SH3PXD2A: variants seen among roughly 807,000 people sequenced by gnomAD.
SH3PXD2A encodes SH3 and PX domains 2A.
In SH3PXD2A, 32 loss-of-function variants were observed where a neutral mutation model predicts 115.2. The observed-to-expected ratio is 0.28, with a 90% CI of 0.21 to 0.37. The LOEUF (loss-of-function observed/expected upper bound fraction) is 0.37. Among genes scored for constraint, SH3PXD2A ranks in the 10% least tolerant of loss-of-function variants. SH3PXD2A has a pLI of 1.00. For missense variants in SH3PXD2A, 1,328 were observed against 1,498.7 expected (o/e 0.89, Z 1.88); for synonymous variants, 610 against 629.1 (o/e 0.97, Z 0.45).
chr10:103,687,662 T>A (rs1158738603), intron 6 of SH3PXD2A, among the ~76,000 whole-genome samples: 1 of 152,206 alleles, frequency 6.6e-6, no homozygotes, highest in Non-Finnish European at 1.5e-5. Flanking sequence ...CATCATTCTA[T>A]GATTGAAGCC....
chr10:103,798,078 C>T (rs1470918100), intron 2 of SH3PXD2A, among the ~76,000 whole-genome samples: 2 of 152,138 alleles, frequency 1.3e-5, no homozygotes, highest in African/African-American at 4.8e-5. Flanking sequence ...GGTGCCTGGC[C>T]TTCGGGAACA....
intron 2 of SH3PXD2A, among the ~76,000 whole-genome samples, chr10:103,773,711 G>A (rs2038853018): frequency 6.6e-6 from 1 of 152,152 alleles, no homozygotes; most frequent in African/African-American, 2.4e-5. Context: ...AAAGTACTGG[G>A]ATTACAGGTG....
intron 11 of SH3PXD2A, among the ~76,000 whole-genome samples, chr10:103,615,136 G>A (rs570467324): frequency 1.2e-4 from 18 of 152,344 alleles, no homozygotes; most frequent in African/African-American, 3.4e-4. Context: ...CACAGTGAGC[G>A]CTTAGCAGCA....
At chr10:103,827,203 G>C (rs879774702) in intron 1 of SH3PXD2A, among the ~76,000 whole-genome samples, 1 of 152,156 alleles carries the variant, frequency 6.6e-6, no homozygotes, top group Non-Finnish European at 1.5e-5. Context: ...TGTACACCAA[G>C]GCGATGTATT....
chr10:103,739,892 G>C (rs1421085463), intron 3 of SH3PXD2A, among the ~76,000 whole-genome samples: 1 of 152,208 alleles, frequency 6.6e-6, no homozygotes, highest in Non-Finnish European at 1.5e-5. Flanking sequence ...AGGAGTGGGG[G>C]CCTCCGGTGG....
At chr10:103,804,468 C>T (rs913895434) in intron 1 of SH3PXD2A, among the ~76,000 whole-genome samples, 7 of 151,574 alleles carry the variant, frequency 4.6e-5, no homozygotes, top group African/African-American at 1.5e-4. Flanking sequence ...ACTGCAGGCA[C>T]CCGCCACCAC....
rs555326443 is a variant in SH3PXD2A at position 103,728,579 on chromosome 10, C to G, written c.307-4218G>C. On this transcript the variant is annotated intron_variant, in intron 4 of 14. Coordinates refer to ENST00000369774, the MANE Select transcript of SH3PXD2A (RefSeq NM_001394015.1). ...ACTCCCTGATGAGGTGAAATGAGCTCTGTGAGCACATGTGAAATCTGCCTT... is the reference window on the plus strand; with the variant it reads ...ACTCCCTGATGAGGTGAAATGAGCTGTGTGAGCACATGTGAAATCTGCCTT... Among the ~76,000 whole-genome samples the G allele has an allele frequency of 5.2e-4, 79 of 152,218 alleles. 1 individual carries two copies. Among genetic ancestry groups the G allele is most frequent in the Non-Finnish European group, 9.7e-4 (66 of 68,036 alleles).
intron 3 of SH3PXD2A, among the ~76,000 whole-genome samples, chr10:103,748,901 C>T (rs771862276): frequency 1.3e-5 from 2 of 152,124 alleles, no homozygotes; most frequent in South Asian, 2.1e-4. Context: ...ATAATGTTCA[C>T]GGTGAGAAGA....
At position 103,602,527 on chromosome 10, in the gene SH3PXD2A, A is replaced by T. The variant is rs1276057685; in HGVS notation, c.2691T>A (p.Asp897Glu). ...GWAPSHYLVL[D>E]ENEQPDPSGK... The stretch of plus-strand genomic sequence containing the variant: ...CAGAGGGGTCAGGTTGCTCGTTCTC[A>T]TCCAGCACCAAATAGTGGGAAGGGG... The change falls in exon 15 of 15, where the codon GAT becomes GAA. Residue 897 changes from aspartate (D) to glutamate (E), a missense_variant. Physicochemically the swap from Asp to Glu is conservative, Grantham distance 45. Transcript: ENST00000369774. 2 of 1,614,044 alleles carry T rather than the reference A, an allele frequency of 1.2e-6. No homozygotes were observed. Among genetic ancestry groups the T allele is most frequent in the Middle Eastern group, 3.3e-4 (2 of 6,062 alleles).
chr10:103,748,709 G>A (rs1176798598), intron 3 of SH3PXD2A, among the ~76,000 whole-genome samples: 2 of 152,158 alleles, frequency 1.3e-5, no homozygotes, highest in Non-Finnish European at 2.9e-5. Flanking sequence ...GAAGAGACAG[G>A]CACATCTGAG....
intron 1 of SH3PXD2A, among the ~76,000 whole-genome samples, chr10:103,849,342 T>A (rs1272276329): frequency 1.3e-5 from 2 of 152,164 alleles, no homozygotes; most frequent in Non-Finnish European, 2.9e-5. Context: ...CCTAACCGCA[T>A]GGGGTTGTTA....
chr10:103,767,057 T>C, intron 3 of SH3PXD2A, 37 bp downstream of exon 3: 1 of 1,519,520 alleles, frequency 6.6e-7, no homozygotes, highest in East Asian at 2.3e-5. Flanking sequence ...CCTTCCCGGG[T>C]ATCCCCCATC....
intron 2 of SH3PXD2A, among the ~76,000 whole-genome samples, chr10:103,771,738 AACACACACACACACACACACACACAC>A (rs3068820): frequency 7.0e-6 from 1 of 143,004 alleles, no homozygotes; most frequent in East Asian, 2.1e-4. Context: ...CCGTCAAAAC[AACACACACACACACACACACACACAC>A]ACACACACAC....
At chr10:103,664,791 C>T (rs938159140) in intron 7 of SH3PXD2A, among the ~76,000 whole-genome samples, 2 of 152,064 alleles carry the variant, frequency 1.3e-5, no homozygotes, top group African/African-American at 2.4e-5. Context: ...CTCAGCCTCC[C>T]GAGTAGCTGG....
intron 10 of SH3PXD2A, among the ~76,000 whole-genome samples, chr10:103,618,576 G>A (rs1019285203): frequency 9.2e-5 from 14 of 152,214 alleles, no homozygotes; most frequent in African/African-American, 2.7e-4. Context: ...AGCCACTGTT[G>A]TCCTCTCTGG....
intron 3 of SH3PXD2A, among the ~76,000 whole-genome samples, chr10:103,736,230 G>A (rs747527329): frequency 6.6e-6 from 1 of 152,256 alleles, no homozygotes; most frequent in Non-Finnish European, 1.5e-5. Flanking sequence ...CCTGCCAGCT[G>A]GGCAGGAATT....
intron 2 of SH3PXD2A, among the ~76,000 whole-genome samples, chr10:103,776,904 G>T (rs35696766): frequency 0.096 from 14,645 of 152,194 alleles, 835 homozygotes; most frequent in Non-Finnish European, 0.12. Flanking sequence ...TATGAATTTT[G>T]GGAGGAATAC....
At chr10:103,816,377 G>A (rs2039323744) in intron 1 of SH3PXD2A, among the ~76,000 whole-genome samples, 1 of 152,166 alleles carries the variant, frequency 6.6e-6, no homozygotes, top group Non-Finnish European at 1.5e-5. Flanking sequence ...CAAAGAGGAG[G>A]TACAAATGGC....
chr10:103,803,819 T>A (rs527720693), intron 1 of SH3PXD2A, among the ~76,000 whole-genome samples: 1 of 152,226 alleles, frequency 6.6e-6, no homozygotes, highest in African/African-American at 2.4e-5. Context: ...GAGGTCCTGA[T>A]GACATGTGCC....
Sources: allele counts gnomAD v4.1 joint callset (sites outside exome capture counted in the v4.1 genomes callset), GRCh38; gene constraint gnomAD v4.1.1; transcripts MANE v1.5; gene names NCBI Gene and HGNC (gene_info 2026-07-23, HGNC 2026-07-21).